The following SMDT1 variants were observed in gnomAD, a reference collection of about 807,000 sequenced individuals.
The protein encoded by SMDT1 is essential MCU regulator, mitochondrial.
In SMDT1, 6 loss-of-function variants were observed where a neutral mutation model predicts 5.9. The ratio of observed to expected loss-of-function variants is 1.03; its 90% confidence interval spans 0.56 to 2.02. The LOEUF is 2.02. Ranked by LOEUF, SMDT1 falls within the 30% of genes most tolerant of loss-of-function variation. The pLI, the probability that SMDT1 is intolerant of heterozygous loss-of-function variation, is 0.00. For missense variants in SMDT1, 159 were observed against 145.6 expected, an observed-to-expected ratio of 1.09 and a Z score of -0.47; for synonymous variants, 81 against 62.4, an observed-to-expected ratio of 1.30 and a Z score of -1.40.
At chr22:42,080,019 G>A (rs1927653960) in intron 1 of SMDT1, 65 bp downstream of exon 1, 2 of 1,511,812 alleles carry the variant, frequency 1.3e-6, no homozygotes, top group Non-Finnish European at 1.8e-6. Flanking sequence ...GTGCGTGAGG[G>A]CGGCGCTGAT....
intron 2 of SMDT1, among the ~76,000 whole-genome samples, chr22:42,082,688 C>T (rs1339871188): frequency 6.6e-6 from 1 of 152,172 alleles, no homozygotes; most frequent in Non-Finnish European, 1.5e-5. Context: ...ACACTCATAC[C>T]CACCCCCAAA....
chr22:42,079,861 C>G lies in SMDT1; in HGVS notation c.93C>G (p.Val31=), dbSNP rs545925762. The part of the protein sequence containing the change: ...SGPSLRKDGD[V]SAAWSGSGRS... ...CTAGCTTGAGGAAAGATGGCGATGTCTCCGCCGCATGGAGCGGCTCAGGCC... is the reference window on the plus strand; with the variant it reads ...CTAGCTTGAGGAAAGATGGCGATGTGTCCGCCGCATGGAGCGGCTCAGGCC... Residue 31 remains valine, a synonymous_variant, in exon 1 of 3, where the codon GTC becomes GTG. Coordinates refer to ENST00000331479, the MANE Select transcript of SMDT1 (RefSeq NM_033318.5). 37 of 1,614,152 alleles carry G rather than the reference C, an allele frequency of 2.3e-5. No individual in the cohort carries two copies. The South Asian group carries it at 3.7e-4, about 16-fold the overall frequency.
chr22:42,081,145 T>G (rs1394781991), intron 1 of SMDT1, among the ~76,000 whole-genome samples: 1 of 151,874 alleles, frequency 6.6e-6, no homozygotes, highest in African/African-American at 2.4e-5. Flanking sequence ...TCCATTTTGA[T>G]GGCCATAACA....
At chr22:42,081,191 A>C (rs113007503) in intron 1 of SMDT1, among the ~76,000 whole-genome samples, 1 of 147,384 alleles carries the variant, frequency 6.8e-6, no homozygotes, top group African/African-American at 2.5e-5. Context: ...TTTGAGACGG[A>C]GTCTCACTCT....
intron 1 of SMDT1, 45 bp downstream of exon 1, chr22:42,079,999 A>T (rs370292332): frequency 7.0e-6 from 11 of 1,560,892 alleles, no homozygotes; most frequent in Non-Finnish European, 7.0e-6. Context: ...GAGGCCAATC[A>T]TTGTGGGGAG....
intron 2 of SMDT1, 64 bp downstream of exon 2, chr22:42,082,129 C>T (rs1008069956): frequency 6.3e-7 from 1 of 1,587,640 alleles, no homozygotes; most frequent in Non-Finnish European, 8.6e-7. Flanking sequence ...GTGATGCAGT[C>T]TGGCCTGGTA....
In SMDT1 at chr22:42,079,762, T is replaced by C. The variant is rs1413420179; in HGVS notation, c.-7T>C. 3.1e-6 allele frequency: 5 copies of C among 1,603,384 alleles called. No homozygotes were observed. The highest frequency in any genetic ancestry group is 4.5e-5 in the East Asian group (2 of 44,770). Reference sequence around the variant, plus strand: ...CGGGTGCCCGGGTGAGGGGCGGAGCTGGGGGCATGGCGTCCGGAGCGGCTC... The same window carrying C: ...CGGGTGCCCGGGTGAGGGGCGGAGCCGGGGGCATGGCGTCCGGAGCGGCTC... On this transcript the variant is annotated 5_prime_UTR_variant, in exon 1 of 3. Transcript: ENST00000331479.
intron 1 of SMDT1, among the ~76,000 whole-genome samples, chr22:42,080,982 G>A (rs147100226): frequency 1.3e-5 from 2 of 152,260 alleles, no homozygotes; most frequent in East Asian, 1.9e-4. Context: ...ATCGGTTTTC[G>A]TGTATTTCGT....
chr22:42,082,645 C>T (rs774106991), intron 2 of SMDT1, among the ~76,000 whole-genome samples: 5 of 152,128 alleles, frequency 3.3e-5, no homozygotes, highest in Admixed American at 1.3e-4. Flanking sequence ...AGCCACACAC[C>T]GATTCCCAGT....
At chr22:42,081,859 C>T (rs529071562) in intron 1 of SMDT1, 66 bp from the exon 2 acceptor site, 780 of 1,595,432 alleles carry the variant, frequency 4.9e-4, no homozygotes, top group Non-Finnish European at 5.9e-4. Context: ...GTGAGAGGGC[C>T]AGGTCTTCTT....
chr22:42,081,079 G>A (rs1367077044), intron 1 of SMDT1, among the ~76,000 whole-genome samples: 2 of 152,058 alleles, frequency 1.3e-5, no homozygotes, highest in Non-Finnish European at 2.9e-5. Flanking sequence ...AGCAGGCTGT[G>A]TCCTAACTTT....
At chr22:42,081,188 C>T (rs1328783866) in intron 1 of SMDT1, among the ~76,000 whole-genome samples, 22 of 148,934 alleles carry the variant, frequency 1.5e-4, no homozygotes, top group African/African-American at 3.2e-4. Flanking sequence ...TTTTTTGAGA[C>T]GGAGTCTCAC....
At chr22:42,082,161 C>T in intron 2 of SMDT1, 96 bp downstream of exon 2, 1 of 1,484,162 alleles carries the variant, frequency 6.7e-7, no homozygotes, top group Non-Finnish European at 9.2e-7. Context: ...ACACTGGGGG[C>T]AGAAGCATTA....
intron 1 of SMDT1, among the ~76,000 whole-genome samples, chr22:42,081,431 C>T (rs1232643916): frequency 6.6e-6 from 1 of 151,966 alleles, no homozygotes; most frequent in African/African-American, 2.4e-5. Flanking sequence ...TCCCAAAGTG[C>T]TGGGATTACA....
In SMDT1 at chr22:42,081,461, G is replaced by A. The variant is rs564239134; in HGVS notation, c.187-464G>A. On this transcript the variant is annotated intron_variant, in intron 1 of 2. Coordinates refer to ENST00000331479, the MANE Select transcript of SMDT1 (RefSeq NM_033318.5). ...ATTACAGGTGTGAGCCACTGCGCCC[G>A]GCCTTTTGTCTTTTTTTTAGACAGA... is the stretch of plus-strand genomic sequence containing the variant. Among the ~76,000 whole-genome samples the A allele has an allele frequency of 1.8e-3, 272 of 150,572 alleles. 1 individual carries two copies. Among genetic ancestry groups the A allele is most frequent in the Non-Finnish European group, 3.1e-3 (210 of 67,596 alleles).
rs867042791 is a variant in SMDT1, at chr22:42,081,160, C to T, written c.187-765C>T. ...TCCATTTTGATGGCCATAACAGTCACCTTATCTCCTTTTTTTTTTTTTTGA... is the reference window on the plus strand; with the variant it reads ...TCCATTTTGATGGCCATAACAGTCATCTTATCTCCTTTTTTTTTTTTTTGA... On this transcript the variant is annotated intron_variant, in intron 1 of 2. Coordinates refer to ENST00000331479, the MANE Select transcript of SMDT1 (RefSeq NM_033318.5). Among the ~76,000 whole-genome samples, 6 of 151,818 alleles carry T rather than the reference C, an allele frequency of 4.0e-5. No individual in the cohort carries two copies. In the South Asian group the frequency reaches 6.2e-4, roughly 16 times the overall value.
chr22:42,082,184 A>G (rs1182619662), intron 2 of SMDT1, 119 bp downstream of exon 2: 1 of 1,267,930 alleles, frequency 7.9e-7, no homozygotes, highest in Non-Finnish European at 1.1e-6. Context: ...GAATTGGCCC[A>G]CTTGGTGGCT....
rs1224875530 is a variant in SMDT1, at chr22:42,083,873, TCTTC to T, written c.*762_*765del. The T allele has an allele frequency of 6.6e-6, 1 of 152,170 alleles. No homozygotes were observed. The highest frequency in any genetic ancestry group is 1.5e-5 in the Non-Finnish European group (1 of 68,020). 9.4% of individuals were successfully genotyped at this position (152,170 alleles called of 1,614,324 possible). A position where few individuals can be genotyped will look rare whatever the true frequency, so the allele number is the denominator to read the frequency against. On this transcript the variant is annotated 3_prime_UTR_variant, in exon 3 of 3. Coordinates refer to ENST00000331479, the MANE Select transcript of SMDT1 (RefSeq NM_033318.5). ...CAGGCCATAGAAACTAAAAGTATAA[TCTTC>T]CTTTGCCCGTCTTCCAGTTGGCCAT... is the stretch of plus-strand genomic sequence containing the variant.
chr22:42,080,678 A>G (rs1927709405), intron 1 of SMDT1, among the ~76,000 whole-genome samples: 1 of 152,256 alleles, frequency 6.6e-6, no homozygotes, highest in African/African-American at 2.4e-5. Context: ...AAATTCTCTT[A>G]AAGCTAGTCT....
Sources: allele counts gnomAD v4.1 joint callset (sites outside exome capture counted in the v4.1 genomes callset), GRCh38; gene constraint gnomAD v4.1.1; transcripts MANE v1.5; gene names NCBI Gene and HGNC (gene_info 2026-07-23, HGNC 2026-07-21).